The following FAM135B variants were observed in gnomAD, a reference collection of about 807,000 sequenced individuals.
FAM135B encodes family with sequence similarity 135 member B.
FAM135B carries 43 observed loss-of-function variants against 127.7 expected under a neutral mutation model. The observed-to-expected ratio is 0.34, with a 90% CI of 0.26 to 0.43. The LOEUF (loss-of-function observed/expected upper bound fraction) is 0.43. FAM135B is among the 20% of genes least tolerant of loss of function. The pLI is 1.00. For missense variants in FAM135B, 1,558 were observed against 1,725.6 expected (o/e 0.90, Z 1.72); for synonymous variants, 670 against 665.1 (o/e 1.01, Z -0.11).
At chr8:138,451,535 C>G (rs1000048109) in intron 1 of FAM135B, among the ~76,000 whole-genome samples, 3 of 152,112 alleles carry the variant, frequency 2.0e-5, no homozygotes, top group Admixed American at 6.6e-5. Flanking sequence ...AGGGGACAAC[C>G]CCTACAGCAG....
intron 3 of FAM135B, among the ~76,000 whole-genome samples, chr8:138,287,168 A>T (rs1275253088): frequency 6.6e-6 from 1 of 152,214 alleles, no homozygotes; most frequent in East Asian, 1.9e-4. Flanking sequence ...ATTGTCATCA[A>T]AGATGTGGTT....
At position 138,178,569 on chromosome 8, in the gene FAM135B, G is replaced by A. The variant is rs1458859419; in HGVS notation, c.995C>T (p.Thr332Ile). 5.0e-6 allele frequency: 8 copies of A among 1,613,958 alleles called. No individual in the cohort carries two copies. In the African/African-American group the frequency reaches 1.1e-4, roughly 22 times the overall value. The change falls in exon 10 of 20, where the codon ACC (threonine) becomes ATC (isoleucine). Residue 332 changes from threonine (T) to isoleucine (I), a missense_variant. This residue lies in a region of FAM135B where 115 missense variants were observed against 171.1 expected (regional missense o/e 0.67). Transcript: ENST00000395297. ...GTGGTGTTCCTGGGTGAGATAAGTG[G>A]TCACTTGGGAGTGCAGAGTGACTGT... ...LDTVTLHSQV[T>I]TYLTQEHHTL...
At chr8:138,339,563 G>A (rs1371507619) in intron 2 of FAM135B, among the ~76,000 whole-genome samples, 1 of 151,892 alleles carries the variant, frequency 6.6e-6, no homozygotes, top group Non-Finnish European at 1.5e-5. Flanking sequence ...AAAGGAGAAT[G>A]GATTGGGGAG....
chr8:138,211,716 TTATACCATGGATG>T (rs1818157080), intron 7 of FAM135B, among the ~76,000 whole-genome samples: 1 of 152,210 alleles, frequency 6.6e-6, no homozygotes, highest in Non-Finnish European at 1.5e-5. Context: ...TCTATATGGC[TTATACCATGGATG>T]TATATGCAGC....
At chr8:138,303,423 C>T (rs1432838910) in intron 3 of FAM135B, among the ~76,000 whole-genome samples, 1 of 151,894 alleles carries the variant, frequency 6.6e-6, no homozygotes, top group Non-Finnish European at 1.5e-5. Context: ...CATCACACAC[C>T]AGGGCCTGTC....
intron 4 of FAM135B, among the ~76,000 whole-genome samples, chr8:138,257,389 T>C (rs1460979936): frequency 6.6e-6 from 1 of 151,260 alleles, no homozygotes; most frequent in Admixed American, 6.6e-5. Flanking sequence ...TCATGGCTGC[T>C]TTTGTCCTTT....
intron 12 of FAM135B, 82 bp downstream of exon 12, chr8:138,167,813 G>T: frequency 6.9e-7 from 1 of 1,448,228 alleles, no homozygotes; most frequent in Non-Finnish European, 9.2e-7. Flanking sequence ...CACTTTTGCT[G>T]GAATATAAAC....
At chr8:138,194,099 G>A (rs943529766) in intron 9 of FAM135B, among the ~76,000 whole-genome samples, 3 of 152,186 alleles carry the variant, frequency 2.0e-5, no homozygotes, top group South Asian at 2.1e-4. Flanking sequence ...CCTTTGACTC[G>A]TCTCAGTGGC....
chr8:138,254,544 A>C (rs780133646), intron 5 of FAM135B, among the ~76,000 whole-genome samples: 3 of 152,226 alleles, frequency 2.0e-5, no homozygotes, highest in African/African-American at 4.8e-5. Flanking sequence ...ATAGGAGCAC[A>C]ATAAAGTCAG....
chr8:138,185,720 T>G (rs145144352), intron 9 of FAM135B, among the ~76,000 whole-genome samples: 1 of 152,294 alleles, frequency 6.6e-6, no homozygotes, highest in African/African-American at 2.4e-5. Flanking sequence ...GGAATTCTCT[T>G]GTGTTATAGA....
chr8:138,395,684 G>A (rs1478256503), intron 1 of FAM135B, among the ~76,000 whole-genome samples: 1 of 152,178 alleles, frequency 6.6e-6, no homozygotes, highest in Non-Finnish European at 1.5e-5. Flanking sequence ...ATATGCAAAG[G>A]TAAAAGAGGA....
In FAM135B at chr8:138,303,856, T is replaced by C. The variant is rs1567688; in HGVS notation, c.157+6985A>G. 6.0e-3 allele frequency among the ~76,000 whole-genome samples: 908 copies of C among 152,256 alleles called. 8 individuals carry two copies. Among genetic ancestry groups the C allele is most frequent in the African/African-American group, 0.021 (854 of 41,566 alleles). On this transcript the variant is annotated intron_variant, in intron 3 of 19. Coordinates refer to ENST00000395297, the MANE Select transcript of FAM135B (RefSeq NM_015912.4). ...CATTTCTACAGGGTCATTCCTATCATTGCTATTCCCATTTATAGAGAGCTG... is the reference window on the plus strand; with the variant it reads ...CATTTCTACAGGGTCATTCCTATCACTGCTATTCCCATTTATAGAGAGCTG...
In FAM135B at chr8:138,202,167, GT is replaced by G. The variant is rs770188224; in HGVS notation, c.670-4499del. Among the ~76,000 whole-genome samples the G allele has an allele frequency of 7.5e-3, 1,111 of 147,378 alleles. 7 individuals carry two copies. Among genetic ancestry groups the G allele is most frequent in the Non-Finnish European group, 0.013 (857 of 67,204 alleles). ...GCACCTCTCCCCTTCTGAGACTGAA[GT>G]AAGTCCACTGCAAATGGGAAAATAT... is the stretch of plus-strand genomic sequence containing the variant. On this transcript the variant is annotated intron_variant, in intron 7 of 19. Coordinates refer to ENST00000395297, the MANE Select transcript of FAM135B (RefSeq NM_015912.4).
At chr8:138,216,647 C>T (rs545387934) in intron 7 of FAM135B, among the ~76,000 whole-genome samples, 8 of 152,276 alleles carry the variant, frequency 5.3e-5, no homozygotes, top group Admixed American at 1.3e-4. Context: ...TACCTGAAGT[C>T]GTCTGATGTG....
chr8:138,335,413 T>A (rs1268295021), intron 2 of FAM135B, among the ~76,000 whole-genome samples: 3 of 152,142 alleles, frequency 2.0e-5, no homozygotes, highest in Non-Finnish European at 4.4e-5. Context: ...ATACAAATTA[T>A]CTACAAAGAA....
chr8:138,131,569 T>A lies in FAM135B; in HGVS notation c.*1024A>T, dbSNP rs1816219172. ...GCAAGAAGACATTTCTATTGAAAGA[T>A]AGCCAGCACCCTTCTTAGAGCTCCC... On this transcript the variant is annotated 3_prime_UTR_variant, in exon 20 of 20. Transcript: ENST00000395297. 6.5e-6 allele frequency: 1 copy of A among 152,672 alleles called. No individual in the cohort carries two copies. The highest frequency in any genetic ancestry group is 2.1e-4 in the South Asian group (1 of 4,834). The allele number at this position is 152,672 out of a possible 1,614,324, so 9.5% of individuals were successfully genotyped here.
intron 6 of FAM135B, among the ~76,000 whole-genome samples, chr8:138,250,217 G>T (rs1253479923): frequency 6.6e-6 from 1 of 152,142 alleles, no homozygotes; most frequent in Non-Finnish European, 1.5e-5. Context: ...GCTGGGCGTG[G>T]TGGCGGGTGC....
intron 3 of FAM135B, among the ~76,000 whole-genome samples, chr8:138,294,590 T>C (rs192661858): frequency 6.6e-6 from 1 of 152,116 alleles, no homozygotes; most frequent in African/African-American, 2.4e-5. Context: ...ATGCATTAAA[T>C]GGAAAACTCT....
chr8:138,354,560 T>A (rs1303799122), intron 2 of FAM135B, among the ~76,000 whole-genome samples: 2 of 152,168 alleles, frequency 1.3e-5, no homozygotes, highest in African/African-American at 4.8e-5. Flanking sequence ...AACTTCCATT[T>A]CTGACATCAC....
Sources: gnomAD v4.1 joint callset for allele counts (sites outside exome capture counted in the v4.1 genomes callset) on GRCh38, gnomAD v4.1.1 for gene constraint, gnomAD v4.1.1 regional missense constraint, MANE v1.5 for transcripts, NCBI Gene and HGNC (gene_info 2026-07-23, HGNC 2026-07-21) for gene names.